Variants in PCBP3 observed in about 807,000 individuals in gnomAD.
PCBP3 encodes poly(rC) binding protein 3.
In PCBP3, 25 loss-of-function variants were observed where a neutral mutation model predicts 52.7. The observed-to-expected ratio is 0.47, with a 90% confidence interval of 0.35 to 0.66. The LOEUF (loss-of-function observed/expected upper bound fraction) is 0.66. Among genes scored for constraint, PCBP3 ranks in the 30% least tolerant of loss-of-function variants. The pLI is 0.01. For synonymous variants in PCBP3, 162 were observed against 183.0 expected (o/e 0.89, Z 0.93); for missense variants, 391 against 490.3 (o/e 0.80, Z 1.91).
At chr21:45,888,925 G>C (rs895100333) in intron 5 of PCBP3, among the ~76,000 whole-genome samples, 1 of 151,808 alleles carries the variant, frequency 6.6e-6, no homozygotes, top group East Asian at 1.9e-4. Flanking sequence ...TGTAAGGTTT[G>C]CACATTAAAC....
chr21:45,894,922 AAATACT>A (rs2095786298), intron 5 of PCBP3, among the ~76,000 whole-genome samples: 1 of 152,266 alleles, frequency 6.6e-6, no homozygotes, highest in Admixed American at 6.5e-5. Context: ...AAATTAATAC[AAATACT>A]ATTACAGATA....
At chr21:45,722,853 A>G (rs926345176) in intron 2 of PCBP3, among the ~76,000 whole-genome samples, 2 of 151,978 alleles carry the variant, frequency 1.3e-5, no homozygotes, top group African/African-American at 4.8e-5. Flanking sequence ...AATATTAAAA[A>G]AAAACAAAAA....
intron 15 of PCBP3, among the ~76,000 whole-genome samples, chr21:45,932,621 C>G (rs384068): frequency 6.7e-6 from 1 of 148,926 alleles, no homozygotes; most frequent in African/African-American, 2.5e-5. Flanking sequence ...ATGAACACGT[C>G]GGCCGTGCCG....
chr21:45,842,647 G>A (rs1336440087), intron 4 of PCBP3, among the ~76,000 whole-genome samples: 3 of 152,204 alleles, frequency 2.0e-5, no homozygotes, highest in East Asian at 1.9e-4. Context: ...ATTATGTTAT[G>A]ATAGTCTGAA....
At chr21:45,691,709 A>T (rs1460236647) in intron 2 of PCBP3, among the ~76,000 whole-genome samples, 1 of 152,130 alleles carries the variant, frequency 6.6e-6, no homozygotes, top group East Asian at 1.9e-4. Flanking sequence ...CCTTCTAGAT[A>T]AGCTAAAAAT....
At chr21:45,793,082 G>C (rs1569229473) in intron 4 of PCBP3, among the ~76,000 whole-genome samples, 1 of 152,170 alleles carries the variant, frequency 6.6e-6, no homozygotes, top group Non-Finnish European at 1.5e-5. Context: ...ACCACAGCAC[G>C]CTGGAGGGAA....
chr21:45,735,610 TGTAGTGTGAGTGACACGC>T lies in PCBP3; in HGVS notation c.-162+184_-162+201del, dbSNP rs1387042900. Among the ~76,000 whole-genome samples the T allele has an allele frequency of 6.6e-5, 10 of 152,260 alleles. No individual in the cohort carries two copies. Among genetic ancestry groups the T allele is most frequent in the Non-Finnish European group, 1.5e-4 (10 of 68,026 alleles). On this transcript the variant is annotated intron_variant, in intron 3 of 17. Coordinates refer to ENST00000681687, the MANE Select transcript of PCBP3 (RefSeq NM_001384156.1). This position sits in a 1 kb window ranked among gnomAD's most constrained non-coding sequence, Gnocchi z 4.0. Reference sequence around the variant, plus strand: ...TCAGGTCACACTACTGCCAAGAGCATGTAGTGTGAGTGACACGCGTTTTCCCTTCTTGCTTCTGTGGAA... The same window carrying T: ...TCAGGTCACACTACTGCCAAGAGCATGTTTTCCCTTCTTGCTTCTGTGGAA...
intron 2 of PCBP3, among the ~76,000 whole-genome samples, chr21:45,711,670 C>T (rs2083849723): frequency 6.6e-6 from 1 of 152,230 alleles, no homozygotes; most frequent in African/African-American, 2.4e-5. Flanking sequence ...TGACTTAGGT[C>T]AGCACCTTAT....
At chr21:45,876,756 C>T (rs1032492149) in intron 5 of PCBP3, among the ~76,000 whole-genome samples, 10 of 152,266 alleles carry the variant, frequency 6.6e-5, no homozygotes, top group Non-Finnish European at 1.3e-4. Flanking sequence ...CAAGTAGGGG[C>T]TGCTGCCACC....
intron 1 of PCBP3, among the ~76,000 whole-genome samples, chr21:45,667,748 T>A (rs1020459322): frequency 6.6e-6 from 1 of 152,202 alleles, no homozygotes; most frequent in African/African-American, 2.4e-5. Context: ...ATAGTACTTT[T>A]TTGAAAACTT....
intron 4 of PCBP3, among the ~76,000 whole-genome samples, 182 bp downstream of exon 4, chr21:45,755,634 T>C (rs547727624): frequency 6.6e-6 from 1 of 152,298 alleles, no homozygotes; most frequent in East Asian, 1.9e-4. Context: ...CATGTAATGG[T>C]GTCACATTAT....
At chr21:45,925,693 TA>T (rs528491587) in intron 13 of PCBP3, among the ~76,000 whole-genome samples, 99 of 151,492 alleles carry the variant, frequency 6.5e-4, no homozygotes, top group Non-Finnish European at 1.3e-3. Context: ...TTAACATCAG[TA>T]GGGGGAAAAA....
intron 4 of PCBP3, among the ~76,000 whole-genome samples, chr21:45,815,497 GA>G: frequency 9.8e-6 from 1 of 101,696 alleles, no homozygotes; most frequent in Non-Finnish European, 2.0e-5. Context: ...GGTGAGTGAT[GA>G]GTGAGTGGTG....
rs747081949 is a variant in PCBP3, at chr21:45,904,999, G to C, written c.339+3886G>C. Among the ~76,000 whole-genome samples, 1 of 152,220 alleles carries C rather than the reference G, an allele frequency of 6.6e-6. No individual in the cohort carries two copies. The highest frequency in any genetic ancestry group is 1.5e-5 in the Non-Finnish European group (1 of 68,050). Reference sequence around the variant, plus strand: ...ATGAGTAGTTTCATGGATTGACTTAGCGAATATCTGTTTGAAATCATCTGG... The same window carrying C: ...ATGAGTAGTTTCATGGATTGACTTACCGAATATCTGTTTGAAATCATCTGG... On this transcript the variant is annotated intron_variant, in intron 9 of 17. Transcript: ENST00000681687. The surrounding 1 kb of genome is among the most constrained non-coding windows in gnomAD (Gnocchi z 4.8).
Position 45,928,406 on chromosome 21 carries a change from C to T in PCBP3, c.718-1511C>T, listed in dbSNP as rs2075762400. On this transcript the variant is annotated intron_variant, in intron 13 of 17. Coordinates refer to ENST00000681687, the MANE Select transcript of PCBP3 (RefSeq NM_001384156.1). The surrounding 1 kb of genome is among the most constrained non-coding windows in gnomAD (Gnocchi z 4.1). ...GGGCTGGGGAGCAGGCCCCCCGATCCTCCCAGGGTACTAGGTACTGAGGAA... is the reference window on the plus strand; with the variant it reads ...GGGCTGGGGAGCAGGCCCCCCGATCTTCCCAGGGTACTAGGTACTGAGGAA... 6.6e-6 allele frequency among the ~76,000 whole-genome samples: 1 copy of T among 152,196 alleles called. No individual in the cohort carries two copies. The highest frequency in any genetic ancestry group is 1.5e-5 in the Non-Finnish European group (1 of 68,016).
At chr21:45,699,301 C>A (rs994725390) in intron 2 of PCBP3, among the ~76,000 whole-genome samples, 3 of 152,142 alleles carry the variant, frequency 2.0e-5, no homozygotes, top group African/African-American at 7.2e-5. Context: ...TCCTGGAGAC[C>A]TTTTGTGGAG....
At position 45,900,635 on chromosome 21, in the gene PCBP3, G is replaced by C. The variant is rs538834132; in HGVS notation, c.222+12G>C. ...AGATGCGTGAGGAGGTGAGTGTGGTGGGTCCCCACCTGTCCGCAGCCATTC... is the reference window on the plus strand; with the variant it reads ...AGATGCGTGAGGAGGTGAGTGTGGTCGGTCCCCACCTGTCCGCAGCCATTC... On this transcript the variant is annotated intron_variant, in intron 8 of 17. Transcript: ENST00000681687. 5 of 1,595,772 alleles carry C rather than the reference G, an allele frequency of 3.1e-6. No homozygotes were observed. Among genetic ancestry groups the C allele is most frequent in the Non-Finnish European group, 3.4e-6 (4 of 1,164,272 alleles).
chr21:45,850,154 G>A lies in PCBP3; in HGVS notation c.10+59G>A, dbSNP rs373409024. Reference sequence around the variant, plus strand: ...GTTTACCAAGAGTGTATATAACAAAGTCAGACTTACCCTTGACAAATGAAA... The same window carrying A: ...GTTTACCAAGAGTGTATATAACAAAATCAGACTTACCCTTGACAAATGAAA... On this transcript the variant is annotated intron_variant, in intron 5 of 17. Coordinates refer to ENST00000681687, the MANE Select transcript of PCBP3 (RefSeq NM_001384156.1). The A allele has an allele frequency of 2.3e-5, 32 of 1,377,098 alleles. No individual in the cohort carries two copies. The African/African-American group carries it at 3.3e-4, about 14-fold the overall frequency. The allele number at this position is 1,377,098 out of a possible 1,614,324, so 85.3% of individuals were successfully genotyped here.
chr21:45,899,730 G>A, intron 7 of PCBP3, 108 bp downstream of exon 7: 2 of 781,008 alleles, frequency 2.6e-6, no homozygotes, highest in East Asian at 2.5e-5. Context: ...GCCTTTCCCA[G>A]TTGGTGGGTG....
Sources: gnomAD v4.1 joint callset for allele counts (sites outside exome capture counted in the v4.1 genomes callset) on GRCh38, gnomAD v4.1.1 for gene constraint, Gnocchi (gnomAD v3.1) non-coding constraint, MANE v1.5 for transcripts, NCBI Gene and HGNC (gene_info 2026-07-23, HGNC 2026-07-21) for gene names.